The following DOCK2 variants were observed in gnomAD, a reference collection of about 807,000 sequenced individuals.
The protein encoded by DOCK2 is dedicator of cytokinesis 2.
In DOCK2, 87 loss-of-function variants were observed where a neutral mutation model predicts 248.9. The observed-to-expected ratio is 0.35, with a 90% CI of 0.29 to 0.42. DOCK2 has a LOEUF of 0.42. Ranked by LOEUF, DOCK2 falls within the 10% of genes least tolerant of loss-of-function variation. DOCK2 has a pLI of 1.00. For missense variants in DOCK2, 1,747 were observed against 2,300.2 expected (o/e 0.76, Z 4.92); for synonymous variants, 805 against 821.6 (o/e 0.98, Z 0.35).
intron 27 of DOCK2, 114 bp from the exon 28 acceptor site, chr5:169,982,954 A>G (rs1777979889): frequency 1.0e-6 from 1 of 974,014 alleles, no homozygotes; most frequent in South Asian, 1.5e-5. Flanking sequence ...GGCACATAAT[A>G]GTACTCAGTA....
intron 23 of DOCK2, among the ~76,000 whole-genome samples, chr5:169,751,086 A>G (rs1763872267): frequency 6.6e-6 from 1 of 152,218 alleles, no homozygotes; most frequent in Non-Finnish European, 1.5e-5. Context: ...AAATAAAGTA[A>G]TATATGTGAA....
chr5:169,811,033 C>G (rs899154140), intron 26 of DOCK2, among the ~76,000 whole-genome samples: 17 of 150,792 alleles, frequency 1.1e-4, no homozygotes, highest in African/African-American at 3.9e-4. Context: ...ACTCATGCCT[C>G]TCCTTTGAAG....
At chr5:169,878,412 C>T (rs1772451385) in intron 27 of DOCK2, among the ~76,000 whole-genome samples, 1 of 152,150 alleles carries the variant, frequency 6.6e-6, no homozygotes, top group African/African-American at 2.4e-5. Context: ...TGCAGACCTG[C>T]ATCAATTACA....
At chr5:169,683,292 T>A (rs923136306) in intron 7 of DOCK2, among the ~76,000 whole-genome samples, 3 of 152,202 alleles carry the variant, frequency 2.0e-5, no homozygotes, top group African/African-American at 7.2e-5. Context: ...TATAATGGTG[T>A]GATCATGGCT....
chr5:169,659,732 T>C (rs1758337962), intron 2 of DOCK2, among the ~76,000 whole-genome samples: 1 of 152,244 alleles, frequency 6.6e-6, no homozygotes, highest in Admixed American at 6.5e-5. Flanking sequence ...TCTCTCATGC[T>C]GCCTCTTTTA....
At chr5:170,002,457 A>G (rs184665704) in intron 30 of DOCK2, among the ~76,000 whole-genome samples, 1 of 152,358 alleles carries the variant, frequency 6.6e-6, no homozygotes, top group Admixed American at 6.5e-5. Flanking sequence ...GTTTATGCAT[A>G]AAAAAATTCT....
chr5:169,669,221 AAC>A, intron 2 of DOCK2, 65 bp from the exon 3 acceptor site: 1 of 1,604,958 alleles, frequency 6.2e-7, no homozygotes, highest in Non-Finnish European at 8.5e-7. Context: ...AACAAAACAA[AAC>A]AGAAAAACAC....
At chr5:169,902,938 A>T (rs953738264) in intron 27 of DOCK2, among the ~76,000 whole-genome samples, 3 of 152,060 alleles carry the variant, frequency 2.0e-5, no homozygotes, top group African/African-American at 4.8e-5. Context: ...TCTCTACTAA[A>T]AATACAAAAA....
intron 38 of DOCK2, among the ~76,000 whole-genome samples, chr5:170,043,022 T>C (rs1756573760): frequency 6.6e-6 from 1 of 152,218 alleles, no homozygotes; most frequent in African/African-American, 2.4e-5. Context: ...ATCCTTGATC[T>C]TTAAACAGCA....
At chr5:169,780,918 AC>A (rs1260509532) in intron 25 of DOCK2, among the ~76,000 whole-genome samples, 8 of 152,324 alleles carry the variant, frequency 5.3e-5, no homozygotes, top group African/African-American at 1.7e-4. Flanking sequence ...AAAGACCAAA[AC>A]ACTTCTAATA....
intron 27 of DOCK2, among the ~76,000 whole-genome samples, chr5:169,843,092 A>C (rs1275934324): frequency 1.3e-5 from 2 of 152,136 alleles, no homozygotes; most frequent in Admixed American, 6.5e-5. Context: ...TTTTCCATCC[A>C]AATATCCAGC....
intron 24 of DOCK2, 26 bp downstream of exon 24, chr5:169,759,801 G>A (rs765601112): frequency 1.2e-6 from 2 of 1,613,454 alleles, no homozygotes; most frequent in Admixed American, 3.3e-5. Flanking sequence ...GTACTTTCTT[G>A]GGCTCTGCTG....
chr5:169,690,983 CT>C (rs1051724612), intron 9 of DOCK2, among the ~76,000 whole-genome samples: 6 of 152,116 alleles, frequency 3.9e-5, no homozygotes, highest in African/African-American at 1.4e-4. Context: ...AAAGAAATCC[CT>C]GAAACTGGGT....
intron 26 of DOCK2, among the ~76,000 whole-genome samples, chr5:169,808,133 A>C (rs1767512477): frequency 6.6e-6 from 1 of 152,142 alleles, no homozygotes; most frequent in African/African-American, 2.4e-5. Context: ...TCTGCTGACA[A>C]GAGCATAGCC....
At chr5:170,019,383 T>C (rs890834095) in intron 33 of DOCK2, among the ~76,000 whole-genome samples, 1 of 152,284 alleles carries the variant, frequency 6.6e-6, no homozygotes, top group Non-Finnish European at 1.5e-5. Context: ...CTCTACCTAA[T>C]GATTCCCTAA....
intron 20 of DOCK2, among the ~76,000 whole-genome samples, 158 bp from the exon 21 acceptor site, chr5:169,717,226 T>A (rs1470909329): frequency 2.0e-5 from 3 of 152,240 alleles, no homozygotes; most frequent in Admixed American, 1.3e-4. Flanking sequence ...TGAAACATTT[T>A]CTTTGGGAAG....
intron 6 of DOCK2, among the ~76,000 whole-genome samples, chr5:169,677,893 G>A (rs1306479346): frequency 2.6e-5 from 4 of 152,182 alleles, no homozygotes; most frequent in African/African-American, 9.7e-5. Context: ...AGCTGGATGT[G>A]GGAGGCATGC....
intron 22 of DOCK2, among the ~76,000 whole-genome samples, chr5:169,741,017 T>C (rs111906397): frequency 0.092 from 14,052 of 152,050 alleles, 1,213 homozygotes; most frequent in Admixed American, 0.28. Context: ...TGTATTTTTT[T>C]GTGGAGACAT....
intron 14 of DOCK2, among the ~76,000 whole-genome samples, chr5:169,706,730 T>C (rs1254373422): frequency 1.3e-5 from 2 of 152,256 alleles, no homozygotes; most frequent in Non-Finnish European, 2.9e-5. Context: ...AGATACATTC[T>C]GAAAGGACTG....
Sources: allele counts gnomAD v4.1 joint callset (sites outside exome capture counted in the v4.1 genomes callset), GRCh38; gene constraint gnomAD v4.1.1; transcripts MANE v1.5; gene names NCBI Gene and HGNC (gene_info 2026-07-23, HGNC 2026-07-21).